Variants in KCNK2 observed in about 807,000 individuals in gnomAD.
KCNK2 encodes potassium channel subfamily K member 2.
KCNK2 carries 21 observed loss-of-function variants against 40.5 expected under a neutral mutation model. The observed-to-expected ratio is 0.52, with a 90% CI of 0.37 to 0.75. KCNK2 has a LOEUF of 0.75. KCNK2 is among the 30% of genes least tolerant of loss of function. KCNK2 has a pLI of 0.00. For synonymous variants in KCNK2, 191 were observed against 202.2 expected, an observed-to-expected ratio of 0.94 and a Z score of 0.47; for missense variants, 399 against 531.6, an observed-to-expected ratio of 0.75 and a Z score of 2.45.
At chr1:215,199,407 A>C (rs1253021569) in intron 6 of KCNK2, among the ~76,000 whole-genome samples, 1 of 152,272 alleles carries the variant, frequency 6.6e-6, no homozygotes, top group East Asian at 1.9e-4. Context: ...ACATGCTGAA[A>C]TAAAACATGG....
intron 2 of KCNK2, among the ~76,000 whole-genome samples, chr1:215,104,304 C>T (rs1271993633): frequency 6.6e-6 from 1 of 152,036 alleles, no homozygotes. Context: ...TTCAAACTCT[C>T]CTCCTCCTAA....
Position 215,185,787 on chromosome 1 carries a change from G to C in KCNK2, c.824-9166G>C, listed in dbSNP as rs557227157. On this transcript the variant is annotated intron_variant, in intron 5 of 6. Coordinates refer to ENST00000444842, the MANE Select transcript of KCNK2 (RefSeq NM_001017425.3). ...GAAACAAAGACGTCCCTTCCATAAT[G>C]CACACTTAATATTTGATGTCAATCT... Among the ~76,000 whole-genome samples the C allele has an allele frequency of 1.4e-4, 22 of 152,248 alleles. 1 individual carries two copies. In the South Asian group the frequency reaches 4.6e-3, roughly 32 times the overall value.
chr1:215,141,767 T>C (rs1175514485), intron 3 of KCNK2, among the ~76,000 whole-genome samples: 1 of 152,122 alleles, frequency 6.6e-6, no homozygotes, highest in Non-Finnish European at 1.5e-5. Flanking sequence ...TTTCTTCTTT[T>C]ATTAGTAATC....
chr1:215,075,209 A>G (rs1357501892), intron 1 of KCNK2, among the ~76,000 whole-genome samples: 1 of 152,204 alleles, frequency 6.6e-6, no homozygotes, highest in Non-Finnish European at 1.5e-5. Context: ...ACCTTTCTTC[A>G]TATATTTGGG....
intron 2 of KCNK2, among the ~76,000 whole-genome samples, chr1:215,100,495 C>T (rs996475447): frequency 1.4e-4 from 21 of 151,874 alleles, no homozygotes; most frequent in African/African-American, 4.8e-4. Context: ...AGCATTGAAG[C>T]CAGTGAATAT....
At position 215,083,408 on chromosome 1, in the gene KCNK2, A is replaced by G; in HGVS notation, c.23A>G (p.Glu8Gly). The G allele has an allele frequency of 6.2e-7, 1 of 1,613,944 alleles. No individual in the cohort carries two copies. Among genetic ancestry groups the G allele is most frequent in the South Asian group, 1.1e-5 (1 of 91,066 alleles). MLPSASR[E>G]RPGYRAGVAA... is the part of the protein sequence containing the mutation. ...CTCATGCTTCCCAGCGCCTCGCGGG[A>G]GAGACCCGGCTATAGAGCAGGAGGT... The change falls in exon 1 of 7, where the codon GAG becomes GGG. Residue 8 changes from glutamate (E) to glycine (G), a missense_variant. By Grantham distance (98) the Glu-to-Gly change is moderately conservative. This residue lies in a region of KCNK2 where 279 missense variants were observed against 353.8 expected (regional missense o/e 0.79). Coordinates refer to ENST00000444842, the MANE Select transcript of KCNK2 (RefSeq NM_001017425.3).
At chr1:215,209,987 T>A (rs1310914725) in intron 6 of KCNK2, among the ~76,000 whole-genome samples, 1 of 3,228 alleles carries the variant, frequency 3.1e-4, no homozygotes, top group Non-Finnish European at 2.5e-3. Context: ...ATATTATATA[T>A]AATATATAAT....
At chr1:215,107,326 G>T (rs1486480584) in intron 2 of KCNK2, among the ~76,000 whole-genome samples, 1 of 151,862 alleles carries the variant, frequency 6.6e-6, no homozygotes, top group African/African-American at 2.4e-5. Flanking sequence ...GTATTCCTAG[G>T]TATTTTATTT....
At chr1:215,164,187 A>G (rs1558120467) in intron 3 of KCNK2, among the ~76,000 whole-genome samples, 1 of 152,074 alleles carries the variant, frequency 6.6e-6, no homozygotes, top group African/African-American at 2.4e-5. Context: ...TTTCTTCTAG[A>G]TCTTCTAGTG....
At chr1:215,133,681 G>GTTA (rs1291941707) in intron 3 of KCNK2, among the ~76,000 whole-genome samples, 4 of 150,364 alleles carry the variant, frequency 2.7e-5, no homozygotes, top group African/African-American at 9.8e-5. Context: ...AATTGGCATT[G>GTTA]TTATTTATGT....
chr1:215,075,563 A>G (rs1460920933), intron 1 of KCNK2, among the ~76,000 whole-genome samples: 2 of 152,338 alleles, frequency 1.3e-5, no homozygotes, highest in Admixed American at 1.3e-4. Flanking sequence ...GCTACATAGT[A>G]GGTGCTTGAT....
At chr1:215,166,547 C>A (rs1277077873) in intron 3 of KCNK2, among the ~76,000 whole-genome samples, 1 of 152,014 alleles carries the variant, frequency 6.6e-6, no homozygotes, top group African/African-American at 2.4e-5. Context: ...GAGCAGGCAG[C>A]AGGCCTGAGA....
intron 2 of KCNK2, among the ~76,000 whole-genome samples, chr1:215,096,729 C>T (rs1037415519): frequency 6.6e-6 from 1 of 151,900 alleles, no homozygotes; most frequent in African/African-American, 2.4e-5. Flanking sequence ...ACTGATACAA[C>T]ACATTTTTAA....
At chr1:215,088,162 T>C (rs1481665001) in intron 2 of KCNK2, among the ~76,000 whole-genome samples, 1 of 152,136 alleles carries the variant, frequency 6.6e-6, no homozygotes, top group African/African-American at 2.4e-5. Flanking sequence ...CATAGACCTA[T>C]GAGGTACTAA....
intron 2 of KCNK2, among the ~76,000 whole-genome samples, chr1:215,122,767 A>G (rs1004411219): frequency 1.4e-5 from 2 of 142,502 alleles, no homozygotes. Flanking sequence ...TTTTTTTGAA[A>G]TGGAGTCTCA....
In KCNK2 at chr1:215,169,353, G is replaced by C; in HGVS notation, c.630G>C (p.Thr210=). ...FGKGIAKVED[T]FIKWNVSQTK... ...AAGGAATTGCCAAAGTGGAAGATAC[G>C]TTTATTGTGAGTATGATAGATATTT... is the stretch of plus-strand genomic sequence containing the variant. The change falls in exon 4 of 7, where the codon ACG becomes ACC. Residue 210 remains threonine (T), a synonymous_variant. Coordinates refer to ENST00000444842, the MANE Select transcript of KCNK2 (RefSeq NM_001017425.3). 1 of 1,607,590 alleles carries C rather than the reference G, an allele frequency of 6.2e-7. No homozygotes were observed. The highest frequency in any genetic ancestry group is 8.5e-7 in the Non-Finnish European group (1 of 1,175,952).
At chr1:215,139,493 T>G (rs1470690004) in intron 3 of KCNK2, among the ~76,000 whole-genome samples, 1 of 152,140 alleles carries the variant, frequency 6.6e-6, no homozygotes, top group Non-Finnish European at 1.5e-5. Flanking sequence ...TTTAAAAAAA[T>G]ATATACATGG....
At chr1:215,176,347 A>C (rs1663971229) in intron 5 of KCNK2, among the ~76,000 whole-genome samples, 1 of 151,368 alleles carries the variant, frequency 6.6e-6, no homozygotes, top group Non-Finnish European at 1.5e-5. Flanking sequence ...TTCAACTTTT[A>C]TTTTAAGTTC....
rs750778633 is a variant in KCNK2 at position 215,234,929 on chromosome 1, C to G, written c.1065C>G (p.Phe355Leu). ...RRLSVEIYDK[F>L]QRATSIKRKL... ...TGAGTGTGGAGATTTATGACAAGTTCCAGCGGGCCACCTCCATCAAGCGGA... is the reference window on the plus strand; with the variant it reads ...TGAGTGTGGAGATTTATGACAAGTTGCAGCGGGCCACCTCCATCAAGCGGA... Residue 355 changes from phenylalanine (F) to leucine (L), a missense_variant, in exon 7 of 7, where the codon TTC (phenylalanine) becomes TTG (leucine). Phe to Leu is a conservative substitution (Grantham distance 22). Around this residue, in one of 3 missense-constraint regions of KCNK2, gnomAD observed 103 missense variants for 124.3 expected, o/e 0.83. Coordinates refer to ENST00000444842, the MANE Select transcript of KCNK2 (RefSeq NM_001017425.3). The G allele has an allele frequency of 8.1e-6, 13 of 1,613,888 alleles. No individual in the cohort carries two copies. The highest frequency in any genetic ancestry group is 1.7e-5 in the Admixed American group (1 of 59,984).
Sources: gnomAD v4.1 joint callset for allele counts (sites outside exome capture counted in the v4.1 genomes callset) on GRCh38, gnomAD v4.1.1 for gene constraint, gnomAD v4.1.1 regional missense constraint, MANE v1.5 for transcripts, NCBI Gene and HGNC (gene_info 2026-07-23, HGNC 2026-07-21) for gene names.